RAB38: variants seen among roughly 807,000 people sequenced by gnomAD.
The protein encoded by RAB38 is RAB38, member RAS oncogene family, also known as ras-related protein Rab-38.
Under a neutral mutation model 18.4 loss-of-function variants are expected in RAB38, and 15 were observed. The observed-to-expected ratio is 0.82, with a 90% CI of 0.55 to 1.26. RAB38 has a LOEUF of 1.26. Ranked by LOEUF, RAB38 falls within the 50% of genes most tolerant of loss-of-function variation. The probability of loss-of-function intolerance (pLI) is 0.00; values close to 1 mark genes in which losing one functional copy is unlikely to be tolerated. For synonymous variants in RAB38, 101 were observed against 104.4 expected (o/e 0.97, Z 0.20); for missense variants, 294 against 267.4 (o/e 1.10, Z -0.69).
At chr11:88,151,202 T>C (rs1943060103) in intron 1 of RAB38, among the ~76,000 whole-genome samples, 1 of 152,208 alleles carries the variant, frequency 6.6e-6, no homozygotes, top group African/African-American at 2.4e-5. Flanking sequence ...CTGCAGAGTT[T>C]TGCCATGTGG....
At chr11:87,816,675 G>A in the RAB38 span, among the ~76,000 whole-genome samples, 1 of 151,952 alleles carries the variant, frequency 6.6e-6, no homozygotes, top group African/African-American at 2.4e-5. Context: ...ATTCGGTCTA[G>A]ATATATACAT....
intron 1 of RAB38, among the ~76,000 whole-genome samples, chr11:88,156,064 TGA>T (rs1943121192): frequency 6.6e-6 from 1 of 152,164 alleles, no homozygotes; most frequent in Non-Finnish European, 1.5e-5. Flanking sequence ...TTGGCATTCC[TGA>T]GAGAGAAGAA....
chr11:87,941,214 G>GAGATATATATATATATATATATAT, the RAB38 span, among the ~76,000 whole-genome samples: 14 of 62,544 alleles, frequency 2.2e-4, no homozygotes, highest in Non-Finnish European at 3.0e-4. Context: ...AAATATATGA[G>GAGATATATATATATATATATATAT]ATATATATAT....
the RAB38 span, among the ~76,000 whole-genome samples, chr11:88,027,838 C>T: frequency 6.6e-6 from 1 of 152,222 alleles, no homozygotes; most frequent in Non-Finnish European, 1.5e-5. Context: ...CCTCTGCAGA[C>T]TTAAATGTCC....
the RAB38 span, among the ~76,000 whole-genome samples, chr11:87,949,208 T>G: frequency 6.6e-6 from 1 of 152,170 alleles, no homozygotes; most frequent in Non-Finnish European, 1.5e-5. Context: ...TGACGGTAGT[T>G]TGTATTTCTG....
the RAB38 span, among the ~76,000 whole-genome samples, chr11:88,059,583 C>T: frequency 7.9e-5 from 12 of 152,194 alleles, no homozygotes; most frequent in Non-Finnish European, 1.6e-4. Context: ...CCTCAGGTTT[C>T]AGAGTCAAAT....
the RAB38 span, among the ~76,000 whole-genome samples, chr11:88,018,633 G>A: frequency 2.6e-4 from 39 of 152,110 alleles, no homozygotes; most frequent in African/African-American, 8.9e-4. Context: ...TATCCATGGG[G>A]GATTGGTTCC....
the RAB38 span, among the ~76,000 whole-genome samples, chr11:87,951,454 G>C: frequency 6.6e-6 from 1 of 152,062 alleles, no homozygotes; most frequent in Non-Finnish European, 1.5e-5. Context: ...CGTTCCTTTG[G>C]AGGAGGAGAG....
chr11:87,844,322 T>C, the RAB38 span, among the ~76,000 whole-genome samples: 1 of 152,230 alleles, frequency 6.6e-6, no homozygotes, highest in African/African-American at 2.4e-5. Context: ...TTCAAGTTGT[T>C]TCAGGCATGC....
chr11:87,956,710 G>A, the RAB38 span, among the ~76,000 whole-genome samples: 1 of 152,048 alleles, frequency 6.6e-6, no homozygotes, highest in Non-Finnish European at 1.5e-5. Context: ...CCACTTTTCT[G>A]TATAAAGCAT....
intron 1 of RAB38, chr11:88,166,858 C>G (rs542537661): frequency 6.6e-6 from 1 of 152,106 alleles, no homozygotes; most frequent in South Asian, 2.1e-4. Context: ...TGAAGTTTTT[C>G]AATCATGAAC....
rs200594259 is a variant in RAB38, at chr11:88,149,872, C to A, written c.286G>T (p.Ala96Ser). ...CACTTTGCCACTGCTTCAAATGTGG[C>A]TGGCCTGGTGACATCGAAGACAATA... is the stretch of plus-strand genomic sequence containing the variant. ...AFIVFDVTRPATFEAVAKWKN... is the reference protein window; with the variant it reads ...AFIVFDVTRPSTFEAVAKWKN... Residue 96 changes from alanine to serine, a missense_variant, in exon 2 of 3, where the codon GCC (alanine) becomes TCC (serine). Coordinates refer to ENST00000243662, the MANE Select transcript of RAB38 (RefSeq NM_022337.3). The A allele has an allele frequency of 8.6e-5, 139 of 1,613,964 alleles. No homozygotes were observed. The highest frequency in any genetic ancestry group is 1.8e-5 in the Non-Finnish European group (21 of 1,180,012).
At chr11:87,887,416 T>C in the RAB38 span, among the ~76,000 whole-genome samples, 1 of 150,184 alleles carries the variant, frequency 6.7e-6, no homozygotes, top group African/African-American at 2.4e-5. Context: ...CTCCGCAGAG[T>C]GCTGGATCTC....
At chr11:87,817,443 T>G in the RAB38 span, 1 of 152,196 alleles carries the variant, frequency 6.6e-6, no homozygotes, top group African/African-American at 2.4e-5. Context: ...TTAAGCAGCA[T>G]CATTTGTTTA....
the RAB38 span, among the ~76,000 whole-genome samples, chr11:87,965,334 T>A: frequency 6.6e-6 from 1 of 151,864 alleles, no homozygotes; most frequent in Non-Finnish European, 1.5e-5. Context: ...AAGGGCAGAC[T>A]GTTTTTAGAG....
the RAB38 span, among the ~76,000 whole-genome samples, chr11:87,866,789 CA>C: frequency 1.3e-5 from 2 of 151,750 alleles, no homozygotes; most frequent in Admixed American, 1.3e-4. Context: ...ATGACTTCGA[CA>C]TGCCCAGAAT....
the RAB38 span, among the ~76,000 whole-genome samples, chr11:87,936,945 A>G: frequency 6.6e-6 from 1 of 151,868 alleles, no homozygotes; most frequent in Non-Finnish European, 1.5e-5. Flanking sequence ...TTCCTTTTAG[A>G]TTTGTATGCA....
At chr11:87,858,266 A>G in the RAB38 span, among the ~76,000 whole-genome samples, 1 of 152,064 alleles carries the variant, frequency 6.6e-6, no homozygotes. Context: ...GCATTGGCCT[A>G]CAATGCCGGG....
At chr11:87,936,091 CTCTTT>C in the RAB38 span, among the ~76,000 whole-genome samples, 1 of 151,902 alleles carries the variant, frequency 6.6e-6, no homozygotes, top group Non-Finnish European at 1.5e-5. Context: ...TCTGTAGTTT[CTCTTT>C]TCATCTTCTC....
Sources: gnomAD v4.1 joint callset for allele counts (sites outside exome capture counted in the v4.1 genomes callset) on GRCh38, gnomAD v4.1.1 for gene constraint, MANE v1.5 for transcripts, NCBI Gene and HGNC (gene_info 2026-07-23, HGNC 2026-07-21) for gene names.